WDHD1: variants seen among roughly 807,000 people sequenced by gnomAD.
The protein encoded by WDHD1 is WD repeat and HMG-box DNA-binding protein 1.
WDHD1 carries 111 observed loss-of-function variants against 135.4 expected under a neutral mutation model. The observed-to-expected ratio is 0.82, with a 90% confidence interval of 0.70 to 0.96. The LOEUF (loss-of-function observed/expected upper bound fraction) is 0.96, where lower values mean the gene tolerates loss of function less well. Ranked by LOEUF, WDHD1 falls within the 40% of genes least tolerant of loss-of-function variation. The pLI is 0.00. For missense variants in WDHD1, 1,351 were observed against 1,336.3 expected (o/e 1.01, Z -0.17); for synonymous variants, 434 against 439.0 (o/e 0.99, Z 0.14).
intron 11 of WDHD1, 21 bp downstream of exon 11, chr14:54,995,582 T>C (rs779573098): frequency 4.2e-5 from 66 of 1,557,598 alleles, no homozygotes; most frequent in Non-Finnish European, 5.3e-5. Context: ...GGTAATCACA[T>C]GCACAAAGTC....
intron 16 of WDHD1, among the ~76,000 whole-genome samples, chr14:54,979,681 T>C (rs1351398980): frequency 6.6e-6 from 1 of 152,216 alleles, no homozygotes; most frequent in Non-Finnish European, 1.5e-5. Context: ...ATTTAACTTT[T>C]GAACTAGTAA....
chr14:54,951,376 G>A (rs2140154127), intron 24 of WDHD1, among the ~76,000 whole-genome samples: 1 of 152,214 alleles, frequency 6.6e-6, no homozygotes, highest in African/African-American at 2.4e-5. Flanking sequence ...ACACCTCTAT[G>A]CAAATAAACT....
At chr14:55,007,250 G>C in intron 7 of WDHD1, 30 bp downstream of exon 7, 1 of 1,010,236 alleles carries the variant, frequency 9.9e-7, no homozygotes, top group Non-Finnish European at 1.4e-6. Flanking sequence ...AAAAAAAAAA[G>C]AAAAGAAAAG....
intron 2 of WDHD1, among the ~76,000 whole-genome samples, chr14:55,023,388 C>T (rs1210234646): frequency 6.6e-6 from 1 of 152,214 alleles, no homozygotes; most frequent in Admixed American, 6.5e-5. Flanking sequence ...GTAACAGTGT[C>T]TCAAATTTCC....
Position 55,007,488 on chromosome 14 carries a change from C to T in WDHD1, c.505-113G>A, listed in dbSNP as rs1338255557. On this transcript the variant is annotated intron_variant, in intron 6 of 25. Transcript: ENST00000360586. ...AATCAATATATATCTCAGAAAAATG[C>T]AACTTAATGCACCTTAATTATAATA... The T allele has an allele frequency of 2.2e-5, 15 of 695,324 alleles. No homozygotes were observed. In the South Asian group the frequency reaches 2.8e-4, roughly 13 times the overall value. 43.1% of individuals were successfully genotyped at this position (695,324 alleles called of 1,614,324 possible). A position where few individuals can be genotyped will look rare whatever the true frequency, so the allele number is the denominator to read the frequency against.
intron 6 of WDHD1, 58 bp from the exon 7 acceptor site, chr14:55,007,433 G>A: frequency 2.5e-6 from 3 of 1,219,312 alleles, no homozygotes; most frequent in South Asian, 1.4e-5. Context: ...CAAAATATAT[G>A]CAGAACTGAA....
At chr14:54,953,052 G>C (rs951031662) in intron 24 of WDHD1, among the ~76,000 whole-genome samples, 3 of 152,136 alleles carry the variant, frequency 2.0e-5, no homozygotes, top group African/African-American at 7.2e-5. Context: ...TACCATTCAG[G>C]ATATAGGAAT....
At chr14:54,995,279 C>A (rs961883443) in intron 11 of WDHD1, among the ~76,000 whole-genome samples, 1 of 152,150 alleles carries the variant, frequency 6.6e-6, no homozygotes, top group Admixed American at 6.5e-5. Flanking sequence ...CCGTGCCCGG[C>A]CTTATTGATC....
intron 24 of WDHD1, among the ~76,000 whole-genome samples, chr14:54,949,106 C>A (rs554558201): frequency 8.5e-5 from 13 of 152,280 alleles, no homozygotes; most frequent in African/African-American, 1.4e-4. Flanking sequence ...TCTCCCCCCC[C>A]AAAGGAACGC....
chr14:54,959,388 C>T lies in WDHD1; in HGVS notation c.2702-1753G>A, dbSNP rs553724521. 5.7e-3 allele frequency among the ~76,000 whole-genome samples: 716 copies of T among 124,566 alleles called. 6 individuals carry two copies. Among genetic ancestry groups the T allele is most frequent in the African/African-American group, 0.02 (671 of 33,482 alleles). The allele number at this position is 124,566 out of a possible 152,430, so 81.7% of individuals were successfully genotyped here. ...ACTCTAACCTGGATGACAGTCACAC[C>T]CTGGCGGGGGGAAGAGGAGGGAGGG... is the stretch of plus-strand genomic sequence containing the variant. On this transcript the variant is annotated intron_variant, in intron 21 of 25. Transcript: ENST00000360586.
At position 54,963,189 on chromosome 14, in the gene WDHD1, G is replaced by T. The variant is rs768807330; in HGVS notation, c.2311-17C>A. 55 of 966,486 alleles carry T rather than the reference G, an allele frequency of 5.7e-5. 6 individuals carry two copies. Among genetic ancestry groups the T allele is most frequent in the African/African-American group, 1.2e-4 (7 of 56,638 alleles). 59.9% of individuals were successfully genotyped at this position (966,486 alleles called of 1,614,324 possible). Reference sequence around the variant, plus strand: ...ACAAGAAAGCTAATCCAAAAAGGGGGGGGGGGGGGAGATCAAATAACATCA... The same window carrying T: ...ACAAGAAAGCTAATCCAAAAAGGGGTGGGGGGGGGAGATCAAATAACATCA... On this transcript the variant is annotated splice_polypyrimidine_tract_variant and intron_variant, in intron 18 of 25. Coordinates refer to ENST00000360586, the MANE Select transcript of WDHD1 (RefSeq NM_007086.4).
Position 55,013,369 on chromosome 14 carries a change from T to C in WDHD1, c.189+116A>G, listed in dbSNP as rs566303659. ...TACGGCATTATCATACATTTTAAAA[T>C]ATTATTTCATGAGATAAACAAAGGT... On this transcript the variant is annotated intron_variant, in intron 3 of 25. Transcript: ENST00000360586. 3.3e-5 allele frequency: 23 copies of C among 695,582 alleles called. No individual in the cohort carries two copies. The African/African-American group carries it at 3.6e-4, about 11-fold the overall frequency. 43.1% of individuals were successfully genotyped at this position (695,582 alleles called of 1,614,324 possible).
chr14:55,007,392 G>C lies in WDHD1; in HGVS notation c.505-17C>G, dbSNP rs1595116475. The C allele has an allele frequency of 6.5e-7, 1 of 1,541,806 alleles. No individual in the cohort carries two copies. Among genetic ancestry groups the C allele is most frequent in the African/African-American group, 1.4e-5 (1 of 72,116 alleles). Reference sequence around the variant, plus strand: ...AGCACATGTCTAATTGGTAAAAAAAGAAAATTTCTTTCCTTTATGAAAATC... The same window carrying C: ...AGCACATGTCTAATTGGTAAAAAAACAAAATTTCTTTCCTTTATGAAAATC... On this transcript the variant is annotated splice_polypyrimidine_tract_variant and intron_variant, in intron 6 of 25. Coordinates refer to ENST00000360586, the MANE Select transcript of WDHD1 (RefSeq NM_007086.4).
At chr14:54,954,827 T>G (rs2041125727) in intron 24 of WDHD1, among the ~76,000 whole-genome samples, 1 of 152,174 alleles carries the variant, frequency 6.6e-6, no homozygotes, top group East Asian at 1.9e-4. Flanking sequence ...CGTCCCGGGT[T>G]CAAGTGATTC....
intron 4 of WDHD1, among the ~76,000 whole-genome samples, chr14:55,008,975 T>G (rs1265920518): frequency 6.6e-6 from 1 of 151,998 alleles, no homozygotes; most frequent in African/African-American, 2.4e-5. Context: ...TTTTGTATTT[T>G]TAGTAGAGAT....
chr14:54,984,933 G>A (rs1161881634), intron 14 of WDHD1, 73 bp from the exon 15 acceptor site: 3 of 1,562,230 alleles, frequency 1.9e-6, no homozygotes, highest in East Asian at 2.3e-5. Context: ...ATTATTTTCT[G>A]TGAATTGATT....
At chr14:55,008,166 T>C in intron 6 of WDHD1, 150 bp downstream of exon 6, 2 of 662,808 alleles carry the variant, frequency 3.0e-6, no homozygotes, top group South Asian at 2.8e-5. Context: ...ACTAGAATAC[T>C]GTGGACTTTG....
At chr14:54,986,245 A>G (rs1829010275) in intron 14 of WDHD1, among the ~76,000 whole-genome samples, 1 of 152,266 alleles carries the variant, frequency 6.6e-6, no homozygotes, top group African/African-American at 2.4e-5. Context: ...TGATATCAAA[A>G]GAGTAAACAT....
intron 2 of WDHD1, 149 bp downstream of exon 2, chr14:55,026,562 C>A: frequency 2.6e-6 from 2 of 771,112 alleles, no homozygotes. Context: ...CCGAATCAAA[C>A]AATAATCTAA....
Sources: allele counts gnomAD v4.1 joint callset (sites outside exome capture counted in the v4.1 genomes callset), GRCh38; gene constraint gnomAD v4.1.1; transcripts MANE v1.5; gene names NCBI Gene and HGNC (gene_info 2026-07-23, HGNC 2026-07-21).